The following MACF1 variants were observed in gnomAD, a reference collection of about 807,000 sequenced individuals.
MACF1 encodes the protein microtubule actin crosslinking factor 1, also known as microtubule-actin cross-linking factor 1.
A neutral mutation model predicts 854.8 loss-of-function variants in MACF1; 193 were observed. The observed-to-expected ratio is 0.23, with a 90% CI of 0.20 to 0.25. The LOEUF is 0.25. MACF1 is among the 10% of genes least tolerant of loss of function. MACF1 has a pLI of 1.00. For missense variants in MACF1, 7,722 were observed against 8,929.1 expected, an observed-to-expected ratio of 0.86 and a Z score of 5.45; for synonymous variants, 3,185 against 3,226.7, an observed-to-expected ratio of 0.99 and a Z score of 0.44.
At chr1:39,096,527 C>T (rs1005890702) in intron 2 of MACF1, among the ~76,000 whole-genome samples, 3 of 150,224 alleles carry the variant, frequency 2.0e-5, no homozygotes, top group South Asian at 2.1e-4. Flanking sequence ...AGGCAGAGGT[C>T]GTAGTGAGTC....
intron 46 of MACF1, 47 bp downstream of exon 46, chr1:39,358,920 C>T (rs1246239093): frequency 1.3e-6 from 2 of 1,555,520 alleles, no homozygotes; most frequent in Non-Finnish European, 1.7e-6. Flanking sequence ...CCTTGTATTC[C>T]ATGGCGTAAA....
At chr1:39,477,135 T>C (rs56271150) in intron 97 of MACF1, among the ~76,000 whole-genome samples, 87,233 of 103,208 alleles carry the variant, frequency 0.85, 37,931 homozygotes, top group East Asian at 0.98. Flanking sequence ...TATATATATA[T>C]ACACACACAC....
At chr1:39,304,351 A>G (rs954474043) in intron 23 of MACF1, 12 of 817,910 alleles carry the variant, frequency 1.5e-5, no homozygotes, top group Non-Finnish European at 2.3e-5. Context: ...AATCCTTGTC[A>G]TCTAGAACTA....
chr1:39,133,302 A>G (rs1571081409), intron 2 of MACF1, among the ~76,000 whole-genome samples: 1 of 152,186 alleles, frequency 6.6e-6, no homozygotes, highest in Non-Finnish European at 1.5e-5. Flanking sequence ...GCCAAGAGCT[A>G]CCCGTCCAGT....
At chr1:39,276,521 A>G (rs1463314751) in intron 6 of MACF1, among the ~76,000 whole-genome samples, 3 of 152,070 alleles carry the variant, frequency 2.0e-5, no homozygotes, top group South Asian at 4.1e-4. Context: ...CTTAACTACT[A>G]TTTCTGTTTC....
At chr1:39,268,740 A>C (rs1183332673) in intron 6 of MACF1, 1 of 1,288,206 alleles carries the variant, frequency 7.8e-7, no homozygotes, top group Admixed American at 2.3e-5. Context: ...GAAAGAGTCA[A>C]TAGCTATTCC....
intron 2 of MACF1, among the ~76,000 whole-genome samples, chr1:39,113,037 T>G (rs1186261792): frequency 2.0e-5 from 3 of 152,050 alleles, no homozygotes; most frequent in Non-Finnish European, 4.4e-5. Flanking sequence ...TCAATTACAA[T>G]GCGGCTTCCC....
chr1:39,437,437 A>G (rs1228051564), intron 70 of MACF1, among the ~76,000 whole-genome samples: 1 of 151,604 alleles, frequency 6.6e-6, no homozygotes, highest in Non-Finnish European at 1.5e-5. Flanking sequence ...CAGCCTCCCT[A>G]GTAGCTGGGA....
chr1:39,174,072 C>A (rs1126313), intron 2 of MACF1, among the ~76,000 whole-genome samples: 24,295 of 152,086 alleles, frequency 0.16, 2,415 homozygotes, highest in Middle Eastern at 0.22. Flanking sequence ...CAGAGATTAA[C>A]AACAGCAACA....
chr1:39,254,097 A>T, intron 4 of MACF1: 1 of 561,070 alleles, frequency 1.8e-6, no homozygotes, highest in Non-Finnish European at 3.2e-6. Context: ...GTGGTACACA[A>T]GACATTTGGG....
At chr1:39,389,541 G>T (rs953395025) in intron 58 of MACF1, among the ~76,000 whole-genome samples, 1 of 151,500 alleles carries the variant, frequency 6.6e-6, no homozygotes, top group Admixed American at 6.6e-5. Context: ...TATATTTTTA[G>T]TAGAGATGGG....
chr1:39,428,342 AT>A (rs1210125797), intron 63 of MACF1, 55 bp downstream of exon 63: 1 of 1,445,972 alleles, frequency 6.9e-7, no homozygotes, highest in Admixed American at 2.6e-5. Flanking sequence ...TGTTATTTTG[AT>A]TCATGTTTCT....
rs1288817315 is a variant in MACF1, at chr1:39,268,710, C to T, written c.528+10682C>T. On this transcript the variant is annotated intron_variant, in intron 6 of 100. Coordinates refer to ENST00000564288, the MANE Select transcript of MACF1 (RefSeq NM_001394062.1). ...GGAGAGGAAGGAAATGGGAAATTCA[C>T]TGGGCTGTTTTAAGGAGCCGAAAGA... The T allele has an allele frequency of 7.8e-6, 10 of 1,278,826 alleles. No homozygotes were observed. The Admixed American group carries it at 2.0e-4, about 25-fold the overall frequency. The allele number at this position is 1,278,826 out of a possible 1,614,324, so 79.2% of individuals were successfully genotyped here.
At chr1:39,240,700 T>C (rs1022792934) in intron 2 of MACF1, among the ~76,000 whole-genome samples, 1 of 152,222 alleles carries the variant, frequency 6.6e-6, no homozygotes, top group Admixed American at 6.5e-5. Context: ...GGTTTCTTCA[T>C]GTTGGTCAGG....
chr1:39,183,172 T>G (rs953623858), intron 2 of MACF1, among the ~76,000 whole-genome samples: 7 of 152,162 alleles, frequency 4.6e-5, no homozygotes, highest in African/African-American at 1.7e-4. Context: ...ATAAGTAGAT[T>G]AGTGGTTGCT....
chr1:39,295,864 G>C lies in MACF1; in HGVS notation c.2337G>C (p.Glu779Asp). ...LCLCVEQHVK[E>D]NTAYFQFFSD... is the part of the protein sequence containing the mutation. ...TGTGTGTTGAGCAGCATGTGAAAGA[G>C]AATACTGCTTATTTTCAGGTGTGAT... The change falls in exon 20 of 101, where the codon GAG becomes GAC. Residue 779 changes from glutamate to aspartate, a missense_variant. Around this residue, in one of 15 missense-constraint regions of MACF1, gnomAD observed 1,137 missense variants for 1,263.0 expected, o/e 0.90. Coordinates refer to ENST00000564288, the MANE Select transcript of MACF1 (RefSeq NM_001394062.1). 6.2e-7 allele frequency: 1 copy of C among 1,614,006 alleles called. No homozygotes were observed. Among genetic ancestry groups the C allele is most frequent in the South Asian group, 1.1e-5 (1 of 91,056 alleles).
At chr1:39,277,458 A>C (rs1365008129) in intron 6 of MACF1, among the ~76,000 whole-genome samples, 2 of 152,170 alleles carry the variant, frequency 1.3e-5, no homozygotes, top group Admixed American at 6.5e-5. Flanking sequence ...TGTGTAAATA[A>C]ATTTCTAAAA....
chr1:39,127,394 A>G lies in MACF1; in HGVS notation c.220+42956A>G, dbSNP rs764328422. 1.2e-3 allele frequency among the ~76,000 whole-genome samples: 180 copies of G among 152,272 alleles called. 1 individual carries two copies. Among genetic ancestry groups the G allele is most frequent in the Non-Finnish European group, 1.5e-3 (104 of 68,024 alleles). ...TAGTGGCTTTCATTAATTTCTTACT[A>G]TGTGCCAGGAATGGACTGTGTTAAG... On this transcript the variant is annotated intron_variant, in intron 2 of 93. Transcript: ENST00000361689.
Position 39,336,247 on chromosome 1 carries a change from A to G in MACF1, c.9659A>G (p.Lys3220Arg), listed in dbSNP as rs774386142. Residue 3220 changes from lysine (K) to arginine (R), a missense_variant, in exon 37 of 101, where the codon AAA (lysine) becomes AGA (arginine). Coordinates refer to ENST00000564288, the MANE Select transcript of MACF1 (RefSeq NM_001394062.1). ...CATCAGGGCAGCAAAAGTGATGATA[A>G]ACTTTGTGGAACTCTCAAATCTGAA... is the stretch of plus-strand genomic sequence containing the variant. The part of the protein sequence containing the change: ...LHHQGSKSDD[K>R]LCGTLKSEIA... 1 of 1,614,126 alleles carries G rather than the reference A, an allele frequency of 6.2e-7. No individual in the cohort carries two copies. The highest frequency in any genetic ancestry group is 8.5e-7 in the Non-Finnish European group (1 of 1,180,016).
Sources: allele counts gnomAD v4.1 joint callset (sites outside exome capture counted in the v4.1 genomes callset), GRCh38; gene constraint gnomAD v4.1.1; regional missense constraint gnomAD v4.1.1; transcripts MANE v1.5; gene names NCBI Gene and HGNC (gene_info 2026-07-23, HGNC 2026-07-21).